Variants in NKAIN3 observed in about 807,000 individuals in gnomAD.
NKAIN3 encodes the protein sodium/potassium transporting ATPase interacting 3.
Under a neutral mutation model 30.2 loss-of-function variants are expected in NKAIN3, and 25 were observed. The ratio of observed to expected loss-of-function variants is 0.83; its 90% CI spans 0.60 to 1.16. The LOEUF (loss-of-function observed/expected upper bound fraction) is 1.16. Ranked by LOEUF, NKAIN3 falls within the 50% of genes most tolerant of loss-of-function variation. The pLI, the probability that NKAIN3 is intolerant of heterozygous loss-of-function variation, is 0.00. For synonymous variants in NKAIN3, 91 were observed against 89.6 expected (o/e 1.02, Z -0.09); for missense variants, 225 against 254.1 (o/e 0.89, Z 0.78).
chr8:62,406,613 T>C (rs1360355553), intron 1 of NKAIN3, among the ~76,000 whole-genome samples: 4 of 152,188 alleles, frequency 2.6e-5, no homozygotes, highest in Admixed American at 1.3e-4. Flanking sequence ...TTAAAATATT[T>C]TATTTCAAAG....
intron 4 of NKAIN3, among the ~76,000 whole-genome samples, chr8:62,837,074 T>C (rs1421351904): frequency 6.6e-6 from 1 of 152,158 alleles, no homozygotes; most frequent in African/African-American, 2.4e-5. Flanking sequence ...CTATTTGTTT[T>C]CTAAGAAAAC....
At chr8:62,457,757 A>G (rs17840588) in intron 1 of NKAIN3, among the ~76,000 whole-genome samples, 4,537 of 152,298 alleles carry the variant, frequency 0.03, 261 homozygotes, top group African/African-American at 0.1. Flanking sequence ...TTAGTGCATT[A>G]AATTAGGCAT....
intron 4 of NKAIN3, among the ~76,000 whole-genome samples, chr8:62,838,978 T>C (rs1819450174): frequency 6.6e-6 from 1 of 152,140 alleles, no homozygotes; most frequent in South Asian, 2.1e-4. Context: ...ACAAGGATTG[T>C]AGGCATTTAA....
chr8:62,910,704 G>T (rs975116770), intron 4 of NKAIN3, among the ~76,000 whole-genome samples: 2 of 151,722 alleles, frequency 1.3e-5, no homozygotes, highest in African/African-American at 4.8e-5. Context: ...TAATTTAGTA[G>T]AGGGTGGTAT....
chr8:62,464,773 T>C (rs781096622), intron 1 of NKAIN3, among the ~76,000 whole-genome samples: 6 of 152,212 alleles, frequency 3.9e-5, no homozygotes, highest in Non-Finnish European at 7.3e-5. Flanking sequence ...AGTAGAATCT[T>C]TCTTGATACT....
chr8:62,598,299 G>A (rs746222698), intron 3 of NKAIN3, among the ~76,000 whole-genome samples: 2 of 152,032 alleles, frequency 1.3e-5, no homozygotes, highest in African/African-American at 2.4e-5. Context: ...TCTTCTGTGT[G>A]TTCTGCCTTA....
intron 1 of NKAIN3, among the ~76,000 whole-genome samples, chr8:62,554,350 AAGGAATACTCAAGCTAGGAGTCTAATAG>A (rs1156334096): frequency 4.6e-5 from 7 of 152,192 alleles, no homozygotes; most frequent in Non-Finnish European, 8.8e-5. Context: ...ACAAATCCTA[AAGGAATACTCAAGCTAGGAGTCTAATAG>A]AAGAATCTTT....
At chr8:62,883,457 G>GTTGTTCTTT in intron 4 of NKAIN3, among the ~76,000 whole-genome samples, 1 of 70,226 alleles carries the variant, frequency 1.4e-5, no homozygotes, top group South Asian at 6.2e-4. Context: ...AGTTTTATGG[G>GTTGTTCTTT]TTTTTTTTTT....
intron 4 of NKAIN3, among the ~76,000 whole-genome samples, chr8:62,796,789 T>TACACACACACAC (rs144656283): frequency 0.028 from 4,082 of 146,092 alleles, 84 homozygotes; most frequent in African/African-American, 0.046. Context: ...GTATCACACA[T>TACACACACACAC]ACACACACAC....
intron 1 of NKAIN3, among the ~76,000 whole-genome samples, chr8:62,578,870 A>G (rs145886715): frequency 5.0e-4 from 76 of 152,126 alleles, no homozygotes; most frequent in African/African-American, 1.7e-3. Flanking sequence ...TAGAGAGTAG[A>G]ATGATGGTTA....
chr8:62,776,561 AC>A (rs1406311643), intron 4 of NKAIN3, among the ~76,000 whole-genome samples: 1 of 152,194 alleles, frequency 6.6e-6, no homozygotes, highest in Non-Finnish European at 1.5e-5. Context: ...AAATAAACTA[AC>A]AAGGAAAGAG....
At chr8:62,692,736 G>A (rs868172963) in intron 3 of NKAIN3, among the ~76,000 whole-genome samples, 3 of 152,118 alleles carry the variant, frequency 2.0e-5, no homozygotes, top group Admixed American at 6.6e-5. Context: ...GAGGCCACTC[G>A]ACATTCTCTG....
At chr8:62,747,393 T>A (rs1016240017) in intron 4 of NKAIN3, among the ~76,000 whole-genome samples, 19 of 152,284 alleles carry the variant, frequency 1.2e-4, no homozygotes, top group African/African-American at 4.6e-4. Flanking sequence ...TGAAACAGTA[T>A]CACCATCCAC....
chr8:62,528,890 T>A (rs558620274), intron 1 of NKAIN3, among the ~76,000 whole-genome samples: 15 of 152,324 alleles, frequency 9.8e-5, no homozygotes. Flanking sequence ...TATATCATTT[T>A]ATCCCACTAA....
intron 1 of NKAIN3, among the ~76,000 whole-genome samples, chr8:62,249,514 C>G (rs905135023): frequency 1.3e-5 from 2 of 152,244 alleles, no homozygotes; most frequent in Non-Finnish European, 2.9e-5. Flanking sequence ...CGGGCTCTTT[C>G]TTCTTAGGAT....
chr8:62,469,973 TC>T (rs970035786), intron 1 of NKAIN3, among the ~76,000 whole-genome samples: 2 of 152,192 alleles, frequency 1.3e-5, no homozygotes, highest in African/African-American at 4.8e-5. Flanking sequence ...GTTGCACAGA[TC>T]CTGGTATGCT....
At chr8:62,549,305 A>G (rs780048969) in intron 1 of NKAIN3, among the ~76,000 whole-genome samples, 1 of 152,006 alleles carries the variant, frequency 6.6e-6, no homozygotes, top group Non-Finnish European at 1.5e-5. Context: ...TTTAAATCCA[A>G]TTGTTTTCTC....
intron 6 of NKAIN3, among the ~76,000 whole-genome samples, chr8:62,959,433 G>GGGGTGT (rs1554596787): frequency 7.0e-6 from 1 of 143,154 alleles, no homozygotes; most frequent in African/African-American, 2.6e-5. Flanking sequence ...GACAAATCAG[G>GGGGTGT]GTGTGTGTGT....
intron 1 of NKAIN3, among the ~76,000 whole-genome samples, chr8:62,511,928 GTTT>G (rs1331581861): frequency 1.3e-5 from 2 of 152,104 alleles, no homozygotes; most frequent in Non-Finnish European, 2.9e-5. Flanking sequence ...CCGTGGAATT[GTTT>G]TTGTGATTGT....
Sources: gnomAD v4.1 joint callset for allele counts (sites outside exome capture counted in the v4.1 genomes callset) on GRCh38, gnomAD v4.1.1 for gene constraint, MANE v1.5 for transcripts, NCBI Gene and HGNC (gene_info 2026-07-23, HGNC 2026-07-21) for gene names.